Variants in MTTP observed in about 807,000 individuals in gnomAD.
MTTP encodes the protein microsomal triglyceride transfer protein, also known as microsomal triglyceride transfer protein large subunit.
In MTTP, 49 loss-of-function variants were observed where a neutral mutation model predicts 90.6. That is an observed-to-expected ratio of 0.54 (90% CI 0.43 to 0.69). The LOEUF (loss-of-function observed/expected upper bound fraction) is 0.69. Among genes scored for constraint, MTTP ranks in the 30% least tolerant of loss-of-function variants. MTTP has a pLI of 0.00. For synonymous variants in MTTP, 347 were observed against 384.2 expected, an observed-to-expected ratio of 0.90 and a Z score of 1.13; for missense variants, 945 against 1,067.5, an observed-to-expected ratio of 0.89 and a Z score of 1.60.
Position 99,591,779 on chromosome 4 carries a change from A to T in MTTP, c.747A>T (p.Lys249Asn), listed in dbSNP as rs368651196. Residue 249 changes from lysine to asparagine, a missense_variant, in exon 6 of 18, where the codon AAA becomes AAT. Coordinates refer to ENST00000265517, the MANE Select transcript of MTTP (RefSeq NM_001386140.1). ...ATTTCCTACAAACCATTAAGGGGAA[A>T]ATAGTATCGAAGTAAGATAATGCTA... ...GLNFLQTIKG[K>N]IVSKQKLELK... 2.5e-6 allele frequency: 4 copies of T among 1,612,012 alleles called. No homozygotes were observed. The African/African-American group carries it at 5.3e-5, about 22-fold the overall frequency.
At chr4:99,621,384 T>A (rs1437073875) in intron 17 of MTTP, among the ~76,000 whole-genome samples, 153 bp downstream of exon 17, 1 of 151,832 alleles carries the variant, frequency 6.6e-6, no homozygotes, top group Non-Finnish European at 1.5e-5. Flanking sequence ...GAATAATTGA[T>A]AAGGCCAAAA....
intron 1 of MTTP, among the ~76,000 whole-genome samples, chr4:99,575,734 C>G (rs17598226): frequency 0.26 from 39,869 of 152,104 alleles, 5,394 homozygotes; most frequent in South Asian, 0.35. Flanking sequence ...AGATCAGCTA[C>G]ATTATAAACA....
chr4:99,583,452 A>G lies in MTTP; in HGVS notation c.328A>G (p.Ile110Val). The G allele has an allele frequency of 1.2e-6, 2 of 1,613,666 alleles. No individual in the cohort carries two copies. Among genetic ancestry groups the G allele is most frequent in the Non-Finnish European group, 1.7e-6 (2 of 1,179,790 alleles). The change falls in exon 3 of 18, where the codon ATA (isoleucine) becomes GTA (valine). Residue 110 changes from isoleucine to valine, a missense_variant. Coordinates refer to ENST00000265517, the MANE Select transcript of MTTP (RefSeq NM_001386140.1). ...CTTCAAAGGAAAAAGCCCATCTAAA[A>G]TAATGGGAAAGGAAAACTTGGAAGC... ...SIFKGKSPSKIMGKENLEALQ... is the reference protein window; with the variant it reads ...SIFKGKSPSKVMGKENLEALQ...
Position 99,583,294 on chromosome 4 carries a change from T to C in MTTP, c.250-80T>C, listed in dbSNP as rs905909480. The C allele has an allele frequency of 5.4e-6, 8 of 1,491,150 alleles. No homozygotes were observed. In the South Asian group the frequency reaches 8.5e-5, roughly 16 times the overall value. 92.4% of individuals were successfully genotyped at this position (1,491,150 alleles called of 1,614,324 possible). ...TTGTGGCCAACTCTTTCTGTTTCTTTATCATTTTATTTTCAGAGATACTCT... is the reference window on the plus strand; with the variant it reads ...TTGTGGCCAACTCTTTCTGTTTCTTCATCATTTTATTTTCAGAGATACTCT... On this transcript the variant is annotated intron_variant, in intron 2 of 17. Coordinates refer to ENST00000265517, the MANE Select transcript of MTTP (RefSeq NM_001386140.1).
chr4:99,614,642 G>T (rs758179281), intron 15 of MTTP, among the ~76,000 whole-genome samples: 1 of 152,080 alleles, frequency 6.6e-6, no homozygotes, highest in Non-Finnish European at 1.5e-5. Flanking sequence ...TGTGACTTTT[G>T]ACCTCATGCT....
At chr4:99,611,503 G>T in intron 14 of MTTP, 50 bp downstream of exon 14, 1 of 1,602,698 alleles carries the variant, frequency 6.2e-7, no homozygotes, top group Non-Finnish European at 8.5e-7. Context: ...AAGAAATCAG[G>T]CTGAGGTAAA....
rs1192345662 is a variant in MTTP, at chr4:99,619,113, A to G, written c.2342+15A>G. 1.9e-6 allele frequency: 3 copies of G among 1,606,970 alleles called. No homozygotes were observed. Among genetic ancestry groups the G allele is most frequent in the Non-Finnish European group, 2.6e-6 (3 of 1,173,710 alleles). On this transcript the variant is annotated intron_variant, in intron 16 of 17. Coordinates refer to ENST00000265517, the MANE Select transcript of MTTP (RefSeq NM_001386140.1). Reference sequence around the variant, plus strand: ...GTGAAAAATAGGTAAGTGTTTATGCATTATACATTTATGAATTACATATAA... The same window carrying G: ...GTGAAAAATAGGTAAGTGTTTATGCGTTATACATTTATGAATTACATATAA...
intron 3 of MTTP, chr4:99,584,038 C>T (rs1157664553): frequency 6.5e-6 from 1 of 154,090 alleles, no homozygotes; most frequent in African/African-American, 2.4e-5. Context: ...TATTTTAAAA[C>T]TATGACATGG....
intron 2 of MTTP, among the ~76,000 whole-genome samples, chr4:99,582,518 C>T (rs566807394): frequency 1.3e-5 from 2 of 152,160 alleles, no homozygotes; most frequent in Non-Finnish European, 2.9e-5. Context: ...AGAGAGTAAA[C>T]CTAGTCTGTG....
In MTTP at chr4:99,622,824, T is replaced by G. The variant is rs531134070; in HGVS notation, c.2661T>G (p.Asp887Glu). The change falls in exon 18 of 18, where the codon GAT (aspartate) becomes GAG (glutamate). Residue 887 changes from aspartate to glutamate, a missense_variant. By Grantham distance (45) the Asp-to-Glu change is conservative. Coordinates refer to ENST00000265517, the MANE Select transcript of MTTP (RefSeq NM_001386140.1). ...AAGTGGTGTTTGCCCCTCAGCCGGA[T>G]AGTACTTCCAGCGGATGGTTTTGAA... ...MCKVVFAPQP[D>E]STSSGWF 5 of 1,614,112 alleles carry G rather than the reference T, an allele frequency of 3.1e-6. 1 individual carries two copies. The African/African-American group carries it at 5.3e-5, about 17-fold the overall frequency.
chr4:99,596,602 G>C (rs956366536), intron 7 of MTTP, among the ~76,000 whole-genome samples: 20 of 152,060 alleles, frequency 1.3e-4, no homozygotes, highest in Admixed American at 1.1e-3. Flanking sequence ...AGAATAGGGA[G>C]CTCACCGAAA....
At chr4:99,580,420 C>T (rs1280981292) in intron 1 of MTTP, among the ~76,000 whole-genome samples, 1 of 150,782 alleles carries the variant, frequency 6.6e-6, no homozygotes, top group African/African-American at 2.4e-5. Context: ...ACTAAAAATA[C>T]AAAAATTAGC....
At chr4:99,588,173 T>C (rs1183792187) in intron 3 of MTTP, among the ~76,000 whole-genome samples, 1 of 152,172 alleles carries the variant, frequency 6.6e-6, no homozygotes, top group East Asian at 1.9e-4. Context: ...ATAATTTTCA[T>C]GTAGACTAAA....
chr4:99,607,710 TATGGAATGCAA>T (rs1725850168), intron 11 of MTTP, among the ~76,000 whole-genome samples: 1 of 152,228 alleles, frequency 6.6e-6, no homozygotes, highest in Admixed American at 6.5e-5. Context: ...TACTTGTTGC[TATGGAATGCAA>T]TTATTTTGGC....
intron 16 of MTTP, among the ~76,000 whole-genome samples, chr4:99,619,499 G>A (rs1349511071): frequency 6.6e-6 from 1 of 152,076 alleles, no homozygotes; most frequent in Admixed American, 6.5e-5. Context: ...AATGTTAAGA[G>A]TCCTTAAGTC....
chr4:99,581,809 C>T (rs879579294), intron 1 of MTTP, 96 bp from the exon 2 acceptor site: 1 of 1,257,016 alleles, frequency 8.0e-7, no homozygotes, highest in Non-Finnish European at 1.2e-6. Flanking sequence ...ATTTACCAAG[C>T]TTCCTGAGCC....
intron 12 of MTTP, among the ~76,000 whole-genome samples, chr4:99,610,036 A>G (rs1356124928): frequency 6.6e-6 from 1 of 152,150 alleles, no homozygotes; most frequent in East Asian, 1.9e-4. Context: ...CACCAACATT[A>G]TGGTTCAGAG....
rs1314980026 is a variant in MTTP, at chr4:99,596,934, T to A, written c.910-133T>A. 2.8e-6 allele frequency: 3 copies of A among 1,069,722 alleles called. No individual in the cohort carries two copies. In the African/African-American group the frequency reaches 4.7e-5, roughly 17 times the overall value. 66.3% of individuals were successfully genotyped at this position (1,069,722 alleles called of 1,614,324 possible). On this transcript the variant is annotated intron_variant, in intron 7 of 17. Transcript: ENST00000265517. Reference sequence around the variant, plus strand: ...GATATGGGCAGGGAACTGTCATGTGTATTGAGGTAAGGTACAAAAAGCTGC... The same window carrying A: ...GATATGGGCAGGGAACTGTCATGTGAATTGAGGTAAGGTACAAAAAGCTGC...
intron 1 of MTTP, among the ~76,000 whole-genome samples, chr4:99,566,640 A>C (rs1415033387): frequency 6.6e-6 from 1 of 152,204 alleles, no homozygotes; most frequent in Non-Finnish European, 1.5e-5. Flanking sequence ...AAGAACAGCC[A>C]TAAATATGAA....
Sources: allele counts gnomAD v4.1 joint callset (sites outside exome capture counted in the v4.1 genomes callset), GRCh38; gene constraint gnomAD v4.1.1; transcripts MANE v1.5; gene names NCBI Gene and HGNC (gene_info 2026-07-23, HGNC 2026-07-21).